Variants in GLG1 observed in about 807,000 individuals in gnomAD.
The protein encoded by GLG1 is golgi glycoprotein 1, also known as Golgi apparatus protein 1.
GLG1 carries 38 observed loss-of-function variants against 160.5 expected under a neutral mutation model. That is an observed-to-expected ratio of 0.24 (90% CI 0.18 to 0.31). GLG1 has a LOEUF of 0.31. Ranked by LOEUF, GLG1 falls within the 10% of genes least tolerant of loss-of-function variation. GLG1 has a pLI of 1.00. For missense variants in GLG1, 1,373 were observed against 1,505.2 expected (o/e 0.91, Z 1.45); for synonymous variants, 644 against 543.4 (o/e 1.19, Z -2.57).
intron 1 of GLG1, among the ~76,000 whole-genome samples, chr16:74,604,632 T>C (rs1182709324): frequency 1.3e-5 from 2 of 152,256 alleles, no homozygotes; most frequent in Non-Finnish European, 1.5e-5. Context: ...ACATATTCTA[T>C]ACATGTTTCT....
At chr16:74,569,682 T>G (rs2018767167) in intron 1 of GLG1, among the ~76,000 whole-genome samples, 3 of 151,762 alleles carry the variant, frequency 2.0e-5, no homozygotes, top group Non-Finnish European at 4.4e-5. Flanking sequence ...GCCAACATGG[T>G]GAAACCGCAT....
At chr16:74,493,433 C>T (rs2016074875) in intron 6 of GLG1, among the ~76,000 whole-genome samples, 1 of 152,214 alleles carries the variant, frequency 6.6e-6, no homozygotes, top group East Asian at 1.9e-4. Flanking sequence ...AATATGTTAA[C>T]TTGACACACA....
At position 74,492,994 on chromosome 16, in the gene GLG1, G is replaced by A. The variant is rs768080800; in HGVS notation, c.1197C>T (p.Ser399=). Residue 399 remains serine (S), a synonymous_variant, in exon 7 of 26, where the codon TCC becomes TCT. Transcript: ENST00000422840. The part of the protein sequence containing the change: ...NLPRSREARL[S]YLLMCLESAV... The stretch of plus-strand genomic sequence containing the variant: ...CTGACTCCAGGCACATTAACAAGTA[G>A]GAGAGCCTGGCTTCACGCGATCGCG... 2.5e-6 allele frequency: 4 copies of A among 1,613,420 alleles called. No homozygotes were observed. The highest frequency in any genetic ancestry group is 3.3e-5 in the Admixed American group (2 of 59,940).
intron 1 of GLG1, 55 bp downstream of exon 1, chr16:74,606,602 A>G (rs1277740685): frequency 6.9e-7 from 1 of 1,453,506 alleles, no homozygotes; most frequent in Non-Finnish European, 9.3e-7. Context: ...AAGGCCGGCA[A>G]CACCCTCGGG....
chr16:74,562,775 T>C (rs566936558), intron 1 of GLG1, among the ~76,000 whole-genome samples: 1 of 152,284 alleles, frequency 6.6e-6, no homozygotes, highest in East Asian at 1.9e-4. Context: ...GTGCTGGCAG[T>C]AAAGGAAGCT....
intron 9 of GLG1, among the ~76,000 whole-genome samples, chr16:74,484,860 C>T (rs542459311): frequency 2.1e-4 from 32 of 152,172 alleles, no homozygotes; most frequent in African/African-American, 5.5e-4. Flanking sequence ...TCACGTGATC[C>T]GCCAGCCTCA....
intron 1 of GLG1, 143 bp downstream of exon 1, chr16:74,606,514 A>G: frequency 1.6e-6 from 1 of 619,380 alleles, no homozygotes; most frequent in Middle Eastern, 4.5e-4. Flanking sequence ...AGCGCCTGGG[A>G]GTGAGGAGCA....
rs560195182 is a variant in GLG1 at position 74,603,642 on chromosome 16, A to G, written c.438+3015T>C. 3.4e-5 allele frequency among the ~76,000 whole-genome samples: 5 copies of G among 146,756 alleles called. No homozygotes were observed. In the South Asian group the frequency reaches 6.5e-4, roughly 19 times the overall value. On this transcript the variant is annotated intron_variant, in intron 1 of 25. Coordinates refer to ENST00000422840, the MANE Select transcript of GLG1 (RefSeq NM_001145667.2). ...ACTTCGAAATACAAGACACTAGTGG[A>G]AAAAAAAAAAGTGCTACTGGCCATT...
At chr16:74,579,459 C>T (rs1477455093) in intron 1 of GLG1, among the ~76,000 whole-genome samples, 2 of 151,992 alleles carry the variant, frequency 1.3e-5, no homozygotes, top group African/African-American at 4.8e-5. Context: ...CAGTGGCTCA[C>T]GTCTGTAATC....
intron 1 of GLG1, among the ~76,000 whole-genome samples, chr16:74,570,982 C>G (rs912474462): frequency 6.6e-6 from 1 of 151,514 alleles, no homozygotes; most frequent in Non-Finnish European, 1.5e-5. Flanking sequence ...CCACACCTCA[C>G]TTGGCACTTT....
intron 1 of GLG1, among the ~76,000 whole-genome samples, chr16:74,557,244 T>C (rs1313072956): frequency 6.6e-6 from 1 of 152,204 alleles, no homozygotes; most frequent in Non-Finnish European, 1.5e-5. Context: ...TAACTATATA[T>C]GATTTGTTTG....
At chr16:74,593,081 A>G (rs1958220257) in intron 1 of GLG1, among the ~76,000 whole-genome samples, 1 of 152,168 alleles carries the variant, frequency 6.6e-6, no homozygotes, top group Non-Finnish European at 1.5e-5. Flanking sequence ...GGGATGATGC[A>G]GCAAGCTGGC....
rs1041170725 is a variant in GLG1, at chr16:74,452,405, C to T, written c.*762G>A. ...TGGACTGTTCAACTTCACAAACTTC[C>T]GGTCCCTTCCCCTCCCCAGCTGCCC... On this transcript the variant is annotated 3_prime_UTR_variant, in exon 26 of 26. Coordinates refer to ENST00000422840, the MANE Select transcript of GLG1 (RefSeq NM_001145667.2). 1.0e-5 allele frequency: 12 copies of T among 1,201,386 alleles called. No individual in the cohort carries two copies. The African/African-American group carries it at 1.4e-4, about 14-fold the overall frequency. The allele number at this position is 1,201,386 out of a possible 1,614,324, so 74.4% of individuals were successfully genotyped here.
intron 1 of GLG1, among the ~76,000 whole-genome samples, chr16:74,587,955 C>T (rs760151861): frequency 6.6e-6 from 1 of 152,074 alleles, no homozygotes; most frequent in Non-Finnish European, 1.5e-5. Context: ...CCAAATCAAA[C>T]GTCTATAGGT....
chr16:74,487,076 G>A (rs577276548), intron 8 of GLG1, among the ~76,000 whole-genome samples: 2 of 151,976 alleles, frequency 1.3e-5, no homozygotes, highest in Non-Finnish European at 1.5e-5. Context: ...ACCACTCCCG[G>A]CTAACTTTTG....
chr16:74,598,027 TCAAA>T (rs1369668396), intron 1 of GLG1, among the ~76,000 whole-genome samples: 2 of 151,512 alleles, frequency 1.3e-5, no homozygotes, highest in Non-Finnish European at 2.9e-5. Flanking sequence ...GAAAACAAAA[TCAAA>T]CAAACAAAAT....
chr16:74,456,806 G>T, intron 24 of GLG1, 51 bp from the exon 25 acceptor site: 1 of 1,118,716 alleles, frequency 8.9e-7, no homozygotes, highest in Non-Finnish European at 1.4e-6. Flanking sequence ...ACAGAATAGA[G>T]AAATTTCTGT....
At position 74,477,503 on chromosome 16, in the gene GLG1, T is replaced by G; in HGVS notation, c.1858A>C (p.Arg620=). 1 of 1,613,358 alleles carries G rather than the reference T, an allele frequency of 6.2e-7. No individual in the cohort carries two copies. The highest frequency in any genetic ancestry group is 8.5e-7 in the Non-Finnish European group (1 of 1,179,340). The part of the protein sequence containing the change: ...LSRECRAEVQ[R]ILHQRAMDVK... ...TCCATGGCACGCTGGTGTAGGATCC[T>G]TTGGACTTCAGCTCGGCACTCCCGT... The change falls in exon 12 of 26, where the codon AGG becomes CGG. Residue 620 remains arginine (R), a synonymous_variant. Coordinates refer to ENST00000422840, the MANE Select transcript of GLG1 (RefSeq NM_001145667.2).
intron 5 of GLG1, among the ~76,000 whole-genome samples, chr16:74,496,106 A>AT (rs2016175894): frequency 6.6e-6 from 1 of 152,162 alleles, no homozygotes; most frequent in South Asian, 2.1e-4. Flanking sequence ...TCTACAAAAA[A>AT]TTTTTAAAAA....
Sources: gnomAD v4.1 joint callset for allele counts (sites outside exome capture counted in the v4.1 genomes callset) on GRCh38, gnomAD v4.1.1 for gene constraint, MANE v1.5 for transcripts, NCBI Gene and HGNC (gene_info 2026-07-23, HGNC 2026-07-21) for gene names.